Variants in TTLL6 observed in about 807,000 individuals in gnomAD.
TTLL6 encodes the protein tubulin tyrosine ligase like 6.
In TTLL6, 75 loss-of-function variants were observed where a neutral mutation model predicts 96.4. The observed-to-expected ratio is 0.78, with a 90% CI of 0.65 to 0.94. The LOEUF (loss-of-function observed/expected upper bound fraction) is 0.94. Ranked by LOEUF, TTLL6 falls within the 40% of genes least tolerant of loss-of-function variation. The pLI is 0.00. For synonymous variants in TTLL6, 411 were observed against 419.4 expected (o/e 0.98, Z 0.24); for missense variants, 1,030 against 1,093.0 (o/e 0.94, Z 0.81).
chr17:48,809,261 T>C (rs1211581453), intron 1 of TTLL6, among the ~76,000 whole-genome samples: 1 of 152,176 alleles, frequency 6.6e-6, no homozygotes, highest in Non-Finnish European at 1.5e-5. Flanking sequence ...TCTGAGTCAA[T>C]TGTTCCCAGT....
chr17:48,806,132 T>C (rs2039503243), intron 1 of TTLL6: 1 of 140,874 alleles, frequency 7.1e-6, no homozygotes, highest in South Asian at 2.2e-4. Context: ...AAATTAGCCA[T>C]ATGTGGTGGT....
intron 8 of TTLL6, among the ~76,000 whole-genome samples, chr17:48,793,470 G>A (rs1474413770): frequency 6.6e-6 from 1 of 152,072 alleles, no homozygotes; most frequent in Non-Finnish European, 1.5e-5. Flanking sequence ...GTGGGCGCCT[G>A]TAATCCCAGC....
intron 8 of TTLL6, among the ~76,000 whole-genome samples, chr17:48,795,705 T>C (rs1026963128): frequency 6.6e-6 from 1 of 152,186 alleles, no homozygotes; most frequent in African/African-American, 2.4e-5. Flanking sequence ...CAAGTCCTTC[T>C]CACGTGGCAG....
At chr17:48,801,169 A>G in intron 5 of TTLL6, 86 bp downstream of exon 5, 1 of 1,285,230 alleles carries the variant, frequency 7.8e-7, no homozygotes, top group Non-Finnish European at 1.1e-6. Context: ...ATGGGCAGGG[A>G]AAGTGGCAAC....
At chr17:48,796,307 T>A (rs2039316071) in intron 7 of TTLL6, among the ~76,000 whole-genome samples, 161 bp from the exon 8 acceptor site, 1 of 152,124 alleles carries the variant, frequency 6.6e-6, no homozygotes, top group African/African-American at 2.4e-5. Context: ...AGAAGGGGTG[T>A]CCTGCAGCCT....
chr17:48,802,082 GAAA>G (rs2039430442), intron 3 of TTLL6, among the ~76,000 whole-genome samples: 3 of 1,504 alleles, frequency 2.0e-3, no homozygotes, highest in African/African-American at 4.2e-3. Flanking sequence ...GAAAGAAAAA[GAAA>G]GAAAGAAAGA....
intron 9 of TTLL6, 73 bp from the exon 10 acceptor site, chr17:48,790,179 C>A: frequency 6.5e-7 from 1 of 1,538,144 alleles, no homozygotes; most frequent in South Asian, 1.2e-5. Flanking sequence ...CGAGGTGCCA[C>A]CTCCAGGGCA....
Position 48,789,970 on chromosome 17 carries a change from C to G in TTLL6, c.1361G>C (p.Arg454Pro). Reference protein sequence around the residue: ...KKKVLEEERQRGQFLQQCCSR... With the variant: ...KKKVLEEERQPGQFLQQCCSR... Reference sequence around the variant, plus strand: ...ACAACACTGCTGCAGGAACTGCCCCCGTTGTCTCTCCTCCTCCAAGACTTT... The same window carrying G: ...ACAACACTGCTGCAGGAACTGCCCCGGTTGTCTCTCCTCCTCCAAGACTTT... The change falls in exon 10 of 16, where the codon CGG (arginine) becomes CCG (proline). Residue 454 changes from arginine to proline, a missense_variant. Physicochemically the swap from Arg to Pro is moderately radical, Grantham distance 103. Coordinates refer to ENST00000393382, the MANE Select transcript of TTLL6 (RefSeq NM_001130918.3). 5 of 1,614,182 alleles carry G rather than the reference C, an allele frequency of 3.1e-6. No homozygotes were observed. Among genetic ancestry groups the G allele is most frequent in the Non-Finnish European group, 4.2e-6 (5 of 1,180,034 alleles).
chr17:48,778,258 C>T (rs2038917665), intron 13 of TTLL6, among the ~76,000 whole-genome samples: 1 of 141,102 alleles, frequency 7.1e-6, no homozygotes, highest in Non-Finnish European at 1.5e-5. Context: ...GCCTGGCCTA[C>T]AGAGCGAGAC....
intron 15 of TTLL6, among the ~76,000 whole-genome samples, chr17:48,764,574 AC>A (rs1279547609): frequency 6.6e-6 from 1 of 151,778 alleles, no homozygotes; most frequent in East Asian, 1.9e-4. Flanking sequence ...TTCCAAAGAA[AC>A]CCCTGATCCT....
At chr17:48,786,789 A>G (rs1417888671) in intron 11 of TTLL6, among the ~76,000 whole-genome samples, 1 of 150,874 alleles carries the variant, frequency 6.6e-6, no homozygotes, top group Non-Finnish European at 1.5e-5. Context: ...ACTCAGTCTC[A>G]TGAATCAGGA....
intron 1 of TTLL6, among the ~76,000 whole-genome samples, chr17:48,808,725 C>T (rs569075653): frequency 6.6e-6 from 1 of 152,130 alleles, no homozygotes; most frequent in Non-Finnish European, 1.5e-5. Flanking sequence ...CCTGCCACCA[C>T]GTCAGGCTAA....
rs1251590457 is a variant in TTLL6 at position 48,791,364 on chromosome 17, C to A, written c.1224+14G>T. On this transcript the variant is annotated intron_variant, in intron 9 of 15. Coordinates refer to ENST00000393382, the MANE Select transcript of TTLL6 (RefSeq NM_001130918.3). ...ACAGGAGTTCGTTTTCGCCCCTCGC[C>A]CAAACTTCCCTACCTCCAGCAGCCA... 1 of 1,612,246 alleles carries A rather than the reference C, an allele frequency of 6.2e-7. No homozygotes were observed. Among genetic ancestry groups the A allele is most frequent in the African/African-American group, 1.3e-5 (1 of 74,870 alleles).
At chr17:48,805,045 C>G in intron 1 of TTLL6, 54 bp from the exon 2 acceptor site, 6 of 1,406,180 alleles carry the variant, frequency 4.3e-6, no homozygotes, top group Non-Finnish European at 5.9e-6. Flanking sequence ...GCAGGGGGAC[C>G]CCCTCCCTCG....
At chr17:48,779,239 A>G (rs1440249968) in intron 13 of TTLL6, among the ~76,000 whole-genome samples, 4 of 151,934 alleles carry the variant, frequency 2.6e-5, no homozygotes, top group Non-Finnish European at 5.9e-5. Context: ...GTTCAAATTT[A>G]AAAGACAGGG....
At position 48,801,593 on chromosome 17, in the gene TTLL6, C is replaced by G. The variant is rs1395567338; in HGVS notation, c.412G>C (p.Asp138His). 1 of 1,551,676 alleles carries G rather than the reference C, an allele frequency of 6.4e-7. No individual in the cohort carries two copies. The highest frequency in any genetic ancestry group is 1.4e-5 in the African/African-American group (1 of 73,030). ...TAATCTGTCCAATAGAGAGTCCAGT[C>G]ATCGTCTTCCCCTCCCTCTCTAAAG... ...YGFREGGEDD[D>H]WTLYWTDYSV... The change falls in exon 4 of 16, where the codon GAC becomes CAC. Residue 138 changes from aspartate (D) to histidine (H), a missense_variant. Transcript: ENST00000393382.
chr17:48,770,075 G>A lies in TTLL6; in HGVS notation c.2063C>T (p.Thr688Ile). The change falls in exon 14 of 16, where the codon ACC becomes ATC. Residue 688 changes from threonine (T) to isoleucine (I), a missense_variant. Physicochemically the swap from Thr to Ile is moderately conservative, Grantham distance 89 (BLOSUM62 -1). Transcript: ENST00000393382. Reference sequence around the variant, plus strand: ...TGAGAGTTGGGTGGTGGATTCTGGGGTGGTTTCTACGGAGGTTAAGTGCTG... The same window carrying A: ...TGAGAGTTGGGTGGTGGATTCTGGGATGGTTTCTACGGAGGTTAAGTGCTG... Reference protein sequence around the residue: ...GTVHLTSVETTPESTTQLSIS... With the variant: ...GTVHLTSVETIPESTTQLSIS... The A allele has an allele frequency of 6.2e-7, 1 of 1,610,914 alleles. No homozygotes were observed. The highest frequency in any genetic ancestry group is 8.5e-7 in the Non-Finnish European group (1 of 1,177,590).
intron 13 of TTLL6, among the ~76,000 whole-genome samples, chr17:48,777,886 G>A (rs2038909082): frequency 6.6e-6 from 1 of 152,182 alleles, no homozygotes; most frequent in Admixed American, 6.5e-5. Context: ...ACTCCAGCCT[G>A]GGAACAGAGT....
chr17:48,812,078 C>CAAT (rs1259107242), intron 1 of TTLL6: 1 of 107,952 alleles, frequency 9.3e-6, no homozygotes, highest in African/African-American at 3.5e-5. Context: ...CCCCCCCCAC[C>CAAT]CCCCGCTCAG....
Sources: gnomAD v4.1 joint callset for allele counts (sites outside exome capture counted in the v4.1 genomes callset) on GRCh38, gnomAD v4.1.1 for gene constraint, MANE v1.5 for transcripts, NCBI Gene and HGNC (gene_info 2026-07-23, HGNC 2026-07-21) for gene names.